CNTN4: variants seen among roughly 807,000 people sequenced by gnomAD.
CNTN4 encodes contactin-4.
A neutral mutation model predicts 122.5 loss-of-function variants in CNTN4; 77 were observed. That is an observed-to-expected ratio of 0.63 (90% CI 0.52 to 0.76). The LOEUF is 0.76. Ranked by LOEUF, CNTN4 falls within the 30% of genes least tolerant of loss-of-function variation. The pLI, the probability that CNTN4 is intolerant of heterozygous loss-of-function variation, is 0.00. For missense variants in CNTN4, 1,256 were observed against 1,259.1 expected (o/e 1.00, Z 0.04); for synonymous variants, 512 against 447.0 (o/e 1.15, Z -1.83).
intron 7 of CNTN4, among the ~76,000 whole-genome samples, chr3:2,855,978 A>T (rs2093614135): frequency 6.6e-6 from 1 of 152,032 alleles, no homozygotes; most frequent in Non-Finnish European, 1.5e-5. Context: ...ATTTCAGTGA[A>T]TTTGATTTAC....
chr3:2,308,128 A>C (rs528099666), intron 2 of CNTN4, among the ~76,000 whole-genome samples: 6 of 152,156 alleles, frequency 3.9e-5, no homozygotes, highest in African/African-American at 1.4e-4. Flanking sequence ...AAATTTCAGT[A>C]GTTTTTGTCT....
intron 3 of CNTN4, among the ~76,000 whole-genome samples, chr3:2,374,306 G>A (rs1205445196): frequency 6.6e-6 from 1 of 152,168 alleles, no homozygotes; most frequent in African/African-American, 2.4e-5. Context: ...AGGTTACCCA[G>A]CTCCCTTAAA....
intron 13 of CNTN4, among the ~76,000 whole-genome samples, chr3:2,936,596 T>C (rs1421720048): frequency 6.6e-6 from 1 of 152,140 alleles, no homozygotes; most frequent in African/African-American, 2.4e-5. Context: ...CCCTCAGTTT[T>C]TGAGCCACAC....
Position 2,746,028 on chromosome 3 carries a change from ACACC to A in CNTN4, c.358+335_358+338del, listed in dbSNP as rs1388961658. Among the ~76,000 whole-genome samples, 229 of 148,620 alleles carry A rather than the reference ACACC, an allele frequency of 1.5e-3. 5 individuals are homozygous for A. Among genetic ancestry groups the A allele is most frequent in the Admixed American group, 2.2e-3 (33 of 14,716 alleles). ...TAAACAACAAATTTGACACCCACACACACCCACACACACACATTTTAAATAGAAT... is the reference window on the plus strand; with the variant it reads ...TAAACAACAAATTTGACACCCACACACACACACACACATTTTAAATAGAAT... On this transcript the variant is annotated intron_variant, in intron 6 of 24. Coordinates refer to ENST00000418658, the MANE Select transcript of CNTN4 (RefSeq NM_175607.3).
At chr3:2,213,698 C>T (rs547336919) in intron 2 of CNTN4, among the ~76,000 whole-genome samples, 10 of 152,268 alleles carry the variant, frequency 6.6e-5, no homozygotes, top group African/African-American at 2.4e-4. Context: ...AGTCAGCTTT[C>T]CCCCTGAAAA....
intron 3 of CNTN4, among the ~76,000 whole-genome samples, chr3:2,450,893 G>A (rs546049897): frequency 1.3e-5 from 2 of 152,280 alleles, no homozygotes; most frequent in African/African-American, 4.8e-5. Context: ...CCATAGGCAG[G>A]CAAGAACCAA....
chr3:2,935,001 C>G (rs998895377), intron 13 of CNTN4, among the ~76,000 whole-genome samples: 5 of 152,170 alleles, frequency 3.3e-5, no homozygotes, highest in Non-Finnish European at 5.9e-5. Context: ...CGGCGTTGAG[C>G]TCTCCTGAAG....
chr3:2,557,238 T>C (rs1252158351), intron 3 of CNTN4, among the ~76,000 whole-genome samples: 1 of 152,208 alleles, frequency 6.6e-6, no homozygotes, highest in Non-Finnish European at 1.5e-5. Flanking sequence ...GGAAATTTGA[T>C]GTCAGAAAAA....
rs558087390 is a variant in CNTN4 at position 2,286,236 on chromosome 3, G to T, written c.-144-52942G>T. 7.3e-4 allele frequency among the ~76,000 whole-genome samples: 100 copies of T among 136,598 alleles called. 1 individual carries two copies. The highest frequency in any genetic ancestry group is 2.3e-3 in the African/African-American group (88 of 38,032). 89.6% of individuals were successfully genotyped at this position (136,598 alleles called of 152,430 possible). A position where few individuals can be genotyped will look rare whatever the true frequency, so the allele number is the denominator to read the frequency against. Reference sequence around the variant, plus strand: ...GTGTGTGTGTGTGCATACACCCCCTGCCCCCCCCACAACATACACATACAA... The same window carrying T: ...GTGTGTGTGTGTGCATACACCCCCTTCCCCCCCCACAACATACACATACAA... On this transcript the variant is annotated intron_variant, in intron 2 of 24. Transcript: ENST00000418658.
chr3:2,153,787 T>C (rs1255805087), intron 2 of CNTN4, among the ~76,000 whole-genome samples: 1 of 152,162 alleles, frequency 6.6e-6, no homozygotes, highest in Non-Finnish European at 1.5e-5. Context: ...TTCTGTTTCC[T>C]AGGTGAGAGA....
intron 4 of CNTN4, among the ~76,000 whole-genome samples, chr3:2,681,618 A>T (rs945809121): frequency 1.3e-5 from 2 of 150,582 alleles, no homozygotes; most frequent in Non-Finnish European, 2.9e-5. Flanking sequence ...AACTTGATAT[A>T]TGTGCACCCC....
In CNTN4 at chr3:2,320,059, G is replaced by A. The variant is rs182031904; in HGVS notation, c.-144-19119G>A. Among the ~76,000 whole-genome samples, 375 of 152,290 alleles carry A rather than the reference G, an allele frequency of 2.5e-3. 3 individuals carry two copies. Among genetic ancestry groups the A allele is most frequent in the African/African-American group, 8.5e-3 (355 of 41,568 alleles). ...CAGAGTTGGAGAATCAAAGGAGAAAGTGCCTTAGCAAAGAGAATATAGCTG... is the reference window on the plus strand; with the variant it reads ...CAGAGTTGGAGAATCAAAGGAGAAAATGCCTTAGCAAAGAGAATATAGCTG... On this transcript the variant is annotated intron_variant, in intron 2 of 24. Coordinates refer to ENST00000418658, the MANE Select transcript of CNTN4 (RefSeq NM_175607.3).
chr3:2,946,653 C>T (rs2094681425), intron 13 of CNTN4, among the ~76,000 whole-genome samples: 1 of 150,360 alleles, frequency 6.7e-6, no homozygotes, highest in African/African-American at 2.4e-5. Context: ...AGACTTCGGA[C>T]ATCTCTTCAA....
chr3:2,474,286 C>T (rs79685862), intron 3 of CNTN4, among the ~76,000 whole-genome samples: 575 of 152,314 alleles, frequency 3.8e-3, no homozygotes, highest in Middle Eastern at 6.8e-3. Flanking sequence ...CTTGCTCTTG[C>T]TCACGTTCAT....
intron 7 of CNTN4, among the ~76,000 whole-genome samples, chr3:2,838,873 G>A (rs753339187): frequency 1.3e-5 from 2 of 152,128 alleles, no homozygotes; most frequent in Non-Finnish European, 2.9e-5. Flanking sequence ...AACACCGACC[G>A]CTTTTGCTTT....
At chr3:2,363,776 C>T (rs916608445) in intron 3 of CNTN4, among the ~76,000 whole-genome samples, 2 of 152,112 alleles carry the variant, frequency 1.3e-5, no homozygotes, top group African/African-American at 4.8e-5. Context: ...AAGTGGCTTT[C>T]TGTATAATTT....
At chr3:2,377,234 A>G (rs1321377559) in intron 3 of CNTN4, among the ~76,000 whole-genome samples, 2 of 152,162 alleles carry the variant, frequency 1.3e-5, no homozygotes, top group East Asian at 3.9e-4. Flanking sequence ...TTGTTGTTGA[A>G]CATGATGGCA....
chr3:2,355,136 C>T (rs1005655933), intron 3 of CNTN4, among the ~76,000 whole-genome samples: 1 of 152,124 alleles, frequency 6.6e-6, no homozygotes, highest in Non-Finnish European at 1.5e-5. Flanking sequence ...CGCAGTATGC[C>T]TATTTCTCAA....
intron 2 of CNTN4, among the ~76,000 whole-genome samples, chr3:2,195,548 T>C (rs775578686): frequency 2.0e-5 from 3 of 152,240 alleles, no homozygotes; most frequent in African/African-American, 7.2e-5. Flanking sequence ...TGATGCAATA[T>C]AGAATTTTGT....
Sources: gnomAD v4.1 joint callset for allele counts (sites outside exome capture counted in the v4.1 genomes callset) on GRCh38, gnomAD v4.1.1 for gene constraint, MANE v1.5 for transcripts, NCBI Gene and HGNC (gene_info 2026-07-23, HGNC 2026-07-21) for gene names.